The following CDH1 variants were observed in gnomAD, a reference collection of about 807,000 sequenced individuals.
CDH1 encodes cadherin 1.
In CDH1, 35 loss-of-function variants were observed where a neutral mutation model predicts 84.5. The ratio of observed to expected loss-of-function variants is 0.41; its 90% CI spans 0.32 to 0.55. The LOEUF (loss-of-function observed/expected upper bound fraction) is 0.55. Among genes scored for constraint, CDH1 ranks in the 20% least tolerant of loss-of-function variants. The pLI, the probability that CDH1 is intolerant of heterozygous loss-of-function variation, is 0.19. For synonymous variants in CDH1, 417 were observed against 439.0 expected (o/e 0.95, Z 0.63); for missense variants, 994 against 1,126.6 (o/e 0.88, Z 1.68).
At chr16:68,812,650 A>G (rs1224669477) in intron 8 of CDH1, among the ~76,000 whole-genome samples, 2 of 152,256 alleles carry the variant, frequency 1.3e-5, no homozygotes, top group African/African-American at 2.4e-5. Flanking sequence ...TGTTTCTGGT[A>G]TAGCCAGGAA....
At chr16:68,831,502 C>A (rs1022232562) in intron 15 of CDH1, among the ~76,000 whole-genome samples, 1 of 151,602 alleles carries the variant, frequency 6.6e-6, no homozygotes, top group East Asian at 1.9e-4. Context: ...CAGAAAGAAA[C>A]CAGTTTAACC....
rs200399144 is a variant in CDH1, at chr16:68,819,301, T to C, written c.1587T>C (p.Thr529=). The C allele has an allele frequency of 1.2e-6, 2 of 1,614,106 alleles. No individual in the cohort carries two copies. Among genetic ancestry groups the C allele is most frequent in the Non-Finnish European group, 1.7e-6 (2 of 1,180,044 alleles). The change falls in exon 11 of 16, where the codon ACT becomes ACC. Residue 529 remains threonine, a synonymous_variant. Transcript: ENST00000261769. The part of the protein sequence containing the change: ...QKITYRIWRD[T]ANWLEINPDT... The stretch of plus-strand genomic sequence containing the variant: ...TCAGATATCGGATTTGGAGAGACAC[T>C]GCCAACTGGCTGGAGATTAATCCGG...
At chr16:68,747,850 G>T (rs978821508) in intron 2 of CDH1, among the ~76,000 whole-genome samples, 1 of 151,920 alleles carries the variant, frequency 6.6e-6, no homozygotes, top group Admixed American at 6.6e-5. Context: ...TGCAGTCTCC[G>T]CCTCCCTGGT....
At chr16:68,786,520 CTTTTTTTTTTTTTCT>C (rs1299072740) in intron 2 of CDH1, among the ~76,000 whole-genome samples, 16 of 77,534 alleles carry the variant, frequency 2.1e-4, no homozygotes, top group East Asian at 9.9e-4. Context: ...TTTCTGCTTT[CTTTTTTTTTTTTTCT>C]TTTTTTTTTT....
chr16:68,750,160 T>TG (rs1962852937), intron 2 of CDH1, among the ~76,000 whole-genome samples: 1 of 147,546 alleles, frequency 6.8e-6, no homozygotes, highest in South Asian at 2.2e-4. Context: ...CTTTTTTTTT[T>TG]GCCTTTGGAA....
chr16:68,831,518 T>TTTTA (rs1197372977), intron 15 of CDH1, among the ~76,000 whole-genome samples: 11 of 146,588 alleles, frequency 7.5e-5, no homozygotes, highest in African/African-American at 2.6e-4. Context: ...TAACCATGCC[T>TTTTA]TTTATTTATT....
At chr16:68,778,638 T>TTG (rs1959795648) in intron 2 of CDH1, among the ~76,000 whole-genome samples, 1 of 152,058 alleles carries the variant, frequency 6.6e-6, no homozygotes, top group Non-Finnish European at 1.5e-5. Flanking sequence ...GCTGAATATA[T>TTG]TGTGTGTGTA....
intron 9 of CDH1, 189 bp downstream of exon 9, chr16:68,813,684 T>G (rs1455673396): frequency 5.5e-6 from 4 of 729,620 alleles, no homozygotes; most frequent in African/African-American, 5.2e-5. Context: ...GAAACTGTGC[T>G]GTGTGTGGTG....
At position 68,819,439 on chromosome 16, in the gene CDH1, A is replaced by T. The variant is rs2152137040; in HGVS notation, c.1711+14A>T. On this transcript the variant is annotated intron_variant, in intron 11 of 15. Coordinates refer to ENST00000261769, the MANE Select transcript of CDH1 (RefSeq NM_004360.5). ...CTACAGACAATGGTAAGGGGGCCTC[A>T]TCTGAGCCTTTGCTGCCTCGACCTC... The T allele has an allele frequency of 6.2e-7, 1 of 1,612,706 alleles. No homozygotes were observed.
intron 15 of CDH1, among the ~76,000 whole-genome samples, chr16:68,831,622 C>T (rs1961486958): frequency 6.6e-6 from 1 of 152,084 alleles, no homozygotes; most frequent in Admixed American, 6.5e-5. Flanking sequence ...TCACTGCAAC[C>T]TCTGCCTCCT....
chr16:68,826,814 T>G (rs1244374425), intron 13 of CDH1, among the ~76,000 whole-genome samples: 1 of 152,110 alleles, frequency 6.6e-6, no homozygotes, highest in Non-Finnish European at 1.5e-5. Flanking sequence ...TTCAGTGCTG[T>G]CTCCCTGTGC....
chr16:68,779,427 G>A (rs990749979), intron 2 of CDH1, among the ~76,000 whole-genome samples: 1 of 152,220 alleles, frequency 6.6e-6, no homozygotes, highest in South Asian at 2.1e-4. Context: ...TTATAGCTAC[G>A]TGGCCTTGGG....
intron 2 of CDH1, among the ~76,000 whole-genome samples, chr16:68,757,143 C>T (rs1963036662): frequency 6.6e-6 from 1 of 151,964 alleles, no homozygotes; most frequent in African/African-American, 2.4e-5. Context: ...GGCTGGAGCG[C>T]AGTGTTGGAG....
intron 2 of CDH1, among the ~76,000 whole-genome samples, chr16:68,765,840 T>C (rs1046443959): frequency 6.6e-6 from 1 of 152,234 alleles, no homozygotes; most frequent in African/African-American, 2.4e-5. Flanking sequence ...TTTTAGTTAA[T>C]CTTCTCCTAT....
intron 2 of CDH1, among the ~76,000 whole-genome samples, chr16:68,761,588 C>T (rs908652404): frequency 6.6e-6 from 1 of 152,030 alleles, no homozygotes; most frequent in Non-Finnish European, 1.5e-5. Context: ...AATCAATGTG[C>T]AAAATATTTA....
At chr16:68,771,580 C>T (rs889655510) in intron 2 of CDH1, among the ~76,000 whole-genome samples, 16 of 152,048 alleles carry the variant, frequency 1.1e-4, no homozygotes, top group South Asian at 6.2e-4. Flanking sequence ...GGTGAAACCC[C>T]GTCTCTATTA....
At position 68,758,076 on chromosome 16, in the gene CDH1, AG is replaced by A. The variant is rs960373328; in HGVS notation, c.163+19666del. Among the ~76,000 whole-genome samples, 9 of 150,532 alleles carry A rather than the reference AG, an allele frequency of 6.0e-5. No individual in the cohort carries two copies. In the Admixed American group the frequency reaches 6.0e-4, roughly 10 times the overall value. ...CCATCTGCCCGCCTCAGCCTCCCAA[AG>A]TGCTGGGATTACGGATGTGAGTTGC... is the stretch of plus-strand genomic sequence containing the variant. On this transcript the variant is annotated intron_variant, in intron 2 of 15. Transcript: ENST00000261769.
intron 2 of CDH1, among the ~76,000 whole-genome samples, chr16:68,745,546 A>AT (rs1555510431): frequency 0.27 from 20,866 of 77,614 alleles, 2,428 homozygotes; most frequent in Middle Eastern, 0.32. Context: ...AAAAAAAAAA[A>AT]AAAATATATA....
chr16:68,756,264 G>A (rs571073406), intron 2 of CDH1, among the ~76,000 whole-genome samples: 25 of 152,076 alleles, frequency 1.6e-4, no homozygotes, highest in Admixed American at 1.4e-3. Flanking sequence ...GTTTGAAAAA[G>A]GGAACAAGAT....
Sources: gnomAD v4.1 joint callset for allele counts (sites outside exome capture counted in the v4.1 genomes callset) on GRCh38, gnomAD v4.1.1 for gene constraint, MANE v1.5 for transcripts, NCBI Gene and HGNC (gene_info 2026-07-23, HGNC 2026-07-21) for gene names.